ZMYM2: variants seen among roughly 807,000 people sequenced by gnomAD.
ZMYM2 encodes zinc finger MYM-type containing 2, also known as zinc finger MYM-type protein 2.
In ZMYM2, 56 loss-of-function variants were observed where a neutral mutation model predicts 162.8. The observed-to-expected ratio is 0.34, with a 90% CI of 0.28 to 0.43. ZMYM2 has a LOEUF of 0.43. Among genes scored for constraint, ZMYM2 ranks in the 20% least tolerant of loss-of-function variants. The pLI is 1.00. For missense variants in ZMYM2, 1,275 were observed against 1,621.8 expected, an observed-to-expected ratio of 0.79 and a Z score of 3.67; for synonymous variants, 510 against 541.6, an observed-to-expected ratio of 0.94 and a Z score of 0.81.
chr13:19,886,162 C>CTTTTTTTTTTTT, the ZMYM2 span, among the ~76,000 whole-genome samples: 2 of 98,448 alleles, frequency 2.0e-5, no homozygotes, highest in African/African-American at 4.0e-5. Flanking sequence ...TTCTTTCTTT[C>CTTTTTTTTTTTT]TTTTTTTTTT....
At chr13:20,019,474 A>G (rs1951891924) in intron 6 of ZMYM2, 73 bp from the exon 7 acceptor site, 3 of 1,294,658 alleles carry the variant, frequency 2.3e-6, no homozygotes, top group Non-Finnish European at 3.2e-6. Context: ...CTTTTACATA[A>G]TGCTTATTTA....
chr13:20,083,566 C>T lies in ZMYM2; in HGVS notation c.3821-90C>T, dbSNP rs889986128. 63 of 1,035,314 alleles carry T rather than the reference C, an allele frequency of 6.1e-5. No homozygotes were observed. In the South Asian group the frequency reaches 1.0e-3, roughly 17 times the overall value. The allele number at this position is 1,035,314 out of a possible 1,614,324, so 64.1% of individuals were successfully genotyped here. On this transcript the variant is annotated intron_variant, in intron 23 of 24. Transcript: ENST00000610343. Reference sequence around the variant, plus strand: ...TTAAAACTCCAAGGGGCACCTGGTCCTATTCTTTGGTATAACAGACACTAG... The same window carrying T: ...TTAAAACTCCAAGGGGCACCTGGTCTTATTCTTTGGTATAACAGACACTAG...
chr13:20,024,913 A>C (rs768099415), intron 7 of ZMYM2: 1 of 216,010 alleles, frequency 4.6e-6, no homozygotes, highest in Non-Finnish European at 9.3e-6. Context: ...TAAATGAGGA[A>C]GTAGGCAGCG....
chr13:19,966,494 G>T (rs1310979777), intron 2 of ZMYM2, among the ~76,000 whole-genome samples: 3 of 146,298 alleles, frequency 2.1e-5, no homozygotes, highest in East Asian at 2.0e-4. Flanking sequence ...TGCTCTTGTT[G>T]CCTAGGTTGG....
chr13:19,895,733 C>A, the ZMYM2 span, among the ~76,000 whole-genome samples: 1 of 151,806 alleles, frequency 6.6e-6, no homozygotes, highest in Non-Finnish European at 1.5e-5. Context: ...GATTAAATTT[C>A]AACCTGAATT....
the ZMYM2 span, among the ~76,000 whole-genome samples, chr13:19,944,302 G>A: frequency 1.4e-4 from 22 of 152,144 alleles, no homozygotes; most frequent in African/African-American, 5.1e-4. Context: ...CTCTTATTAT[G>A]AGAATTAGAT....
intron 7 of ZMYM2, among the ~76,000 whole-genome samples, chr13:20,022,875 T>C (rs910946349): frequency 6.6e-6 from 1 of 152,192 alleles, no homozygotes; most frequent in Non-Finnish European, 1.5e-5. Context: ...AAGGACAGAT[T>C]CATTCTCAGA....
Position 20,002,856 on chromosome 13 carries a change from G to C in ZMYM2, c.854G>C (p.Trp285Ser), listed in dbSNP as rs1162560537. Residue 285 changes from tryptophan to serine, a missense_variant, in exon 4 of 25, where the codon TGG becomes TCG. By Grantham distance (177) the Trp-to-Ser change is radical. Coordinates refer to ENST00000610343, the MANE Select transcript of ZMYM2 (RefSeq NM_197968.4). ...TGTGCATTTTGTTTTTAAGATTCTT[G>C]GATCTCCCAGTCAGCTTCATTTCCC... is the stretch of plus-strand genomic sequence containing the variant. Reference protein sequence around the residue: ...ESATHHNPDSWISQSASFPRN... With the variant: ...ESATHHNPDSSISQSASFPRN... 2 of 1,611,618 alleles carry C rather than the reference G, an allele frequency of 1.2e-6. No homozygotes were observed. The highest frequency in any genetic ancestry group is 1.7e-6 in the Non-Finnish European group (2 of 1,178,352).
At chr13:19,984,875 A>G (rs1479906188) in intron 2 of ZMYM2, among the ~76,000 whole-genome samples, 1 of 152,236 alleles carries the variant, frequency 6.6e-6, no homozygotes, top group Admixed American at 6.5e-5. Flanking sequence ...AAGGAGATCG[A>G]ATTGACACAT....
In ZMYM2 at chr13:20,031,364, A is replaced by G. The variant is rs903896715; in HGVS notation, c.1897A>G (p.Ser633Gly). 6 of 1,608,032 alleles carry G rather than the reference A, an allele frequency of 3.7e-6. No individual in the cohort carries two copies. In the African/African-American group the frequency reaches 4.0e-5, roughly 11 times the overall value. Residue 633 changes from serine (S) to glycine (G), a missense_variant, in exon 10 of 25, where the codon AGT becomes GGT. Coordinates refer to ENST00000610343, the MANE Select transcript of ZMYM2 (RefSeq NM_197968.4). ...TCCAAATGGCCAGTTTGTAGCGCCA[A>G]GTGATATTCAGTTGAAATGCAACTA... is the stretch of plus-strand genomic sequence containing the variant. ...SSPNGQFVAP[S>G]DIQLKCNYCK...
Position 19,981,882 on chromosome 13 carries a change from C to CT in ZMYM2, c.-10-11180dup, listed in dbSNP as rs550104145. Among the ~76,000 whole-genome samples, 608 of 152,124 alleles carry CT rather than the reference C, an allele frequency of 4.0e-3. 2 individuals carry two copies. Among genetic ancestry groups the CT allele is most frequent in the Non-Finnish European group, 5.4e-3 (365 of 68,022 alleles). On this transcript the variant is annotated intron_variant, in intron 2 of 24. Coordinates refer to ENST00000610343, the MANE Select transcript of ZMYM2 (RefSeq NM_197968.4). The stretch of plus-strand genomic sequence containing the variant: ...CATGTCTAAAAGCTGTGTGGACACT[C>CT]TAAGCCGTTGAGGGTCACAGTACAC...
intron 19 of ZMYM2, among the ~76,000 whole-genome samples, chr13:20,065,038 A>C (rs1038279031): frequency 2.6e-5 from 4 of 152,192 alleles, no homozygotes; most frequent in Non-Finnish European, 5.9e-5. Flanking sequence ...TTTTAGGCAT[A>C]CCAACACACA....
chr13:19,987,597 G>GTGTA (rs1373971483), intron 2 of ZMYM2, among the ~76,000 whole-genome samples: 3 of 146,768 alleles, frequency 2.0e-5, no homozygotes, highest in Non-Finnish European at 3.0e-5. Context: ...GTGTGTGTGT[G>GTGTA]TATAGGAAAG....
intron 7 of ZMYM2, among the ~76,000 whole-genome samples, chr13:20,020,324 C>T (rs1248877658): frequency 6.6e-6 from 1 of 151,656 alleles, no homozygotes; most frequent in African/African-American, 2.4e-5. Flanking sequence ...AACCTCCGCC[C>T]CCTGGGTTCA....
chr13:20,062,863 G>C lies in ZMYM2; in HGVS notation c.2929G>C (p.Asp977His), dbSNP rs753457070. The C allele has an allele frequency of 1.3e-6, 2 of 1,579,176 alleles. No homozygotes were observed. Among genetic ancestry groups the C allele is most frequent in the Non-Finnish European group, 1.7e-6 (2 of 1,160,560 alleles). ...TNINSVIIET[D>H]IIGSDLLKNS... is the part of the protein sequence containing the mutation. The stretch of plus-strand genomic sequence containing the variant: ...GATTTCAGGTGTAATTATTGAAACA[G>C]ATATAATTGGTTCAGACCTTTTGAA... The change falls in exon 18 of 25, where the codon GAT (aspartate) becomes CAT (histidine). Residue 977 changes from aspartate (D) to histidine (H), a missense_variant. Asp to His is a moderately conservative substitution (Grantham distance 81). Transcript: ENST00000610343.
chr13:19,881,130 G>A, the ZMYM2 span, among the ~76,000 whole-genome samples: 1 of 151,612 alleles, frequency 6.6e-6, no homozygotes, highest in Non-Finnish European at 1.5e-5. Context: ...CTCGTGATCT[G>A]CCCTCCTCAG....
the ZMYM2 span, among the ~76,000 whole-genome samples, chr13:19,893,404 C>G: frequency 6.6e-6 from 1 of 151,196 alleles, no homozygotes; most frequent in Non-Finnish European, 1.5e-5. Flanking sequence ...GTATTACTGT[C>G]ATTTGGGTTT....
intron 19 of ZMYM2, among the ~76,000 whole-genome samples, chr13:20,065,249 C>G (rs1399709127): frequency 6.6e-6 from 1 of 151,948 alleles, no homozygotes; most frequent in African/African-American, 2.4e-5. Flanking sequence ...GGAGAGAATA[C>G]TTGGAGTGGA....
At chr13:19,941,284 G>C in the ZMYM2 span, among the ~76,000 whole-genome samples, 2 of 151,168 alleles carry the variant, frequency 1.3e-5, no homozygotes, top group African/African-American at 4.9e-5. Context: ...CTCCAGCCTG[G>C]GTGACAGAGC....
Sources: allele counts gnomAD v4.1 joint callset (sites outside exome capture counted in the v4.1 genomes callset), GRCh38; gene constraint gnomAD v4.1.1; transcripts MANE v1.5; gene names NCBI Gene and HGNC (gene_info 2026-07-23, HGNC 2026-07-21).